Variants in KIAA0319 observed in about 807,000 individuals in gnomAD.
The protein encoded by KIAA0319 is KIAA0319, also known as dyslexia-associated protein KIAA0319.
Under a neutral mutation model 108.4 loss-of-function variants are expected in KIAA0319, and 83 were observed. The observed-to-expected ratio is 0.77, with a 90% CI of 0.64 to 0.92. KIAA0319 has a LOEUF of 0.92. Among genes scored for constraint, KIAA0319 ranks in the 40% least tolerant of loss-of-function variants. The pLI is 0.00. For missense variants in KIAA0319, 1,195 were observed against 1,322.4 expected, an observed-to-expected ratio of 0.90 and a Z score of 1.49; for synonymous variants, 484 against 510.4, an observed-to-expected ratio of 0.95 and a Z score of 0.70.
At chr6:24,609,344 C>T (rs1453796446) in intron 1 of KIAA0319, among the ~76,000 whole-genome samples, 5 of 150,798 alleles carry the variant, frequency 3.3e-5, no homozygotes, top group African/African-American at 7.3e-5. Flanking sequence ...TTTGGGAGCC[C>T]GAGGCAGGCA....
At chr6:24,589,944 A>T (rs1358476964) in intron 3 of KIAA0319, among the ~76,000 whole-genome samples, 1 of 152,214 alleles carries the variant, frequency 6.6e-6, no homozygotes, top group Admixed American at 6.5e-5. Context: ...AAAGTCTCAT[A>T]ATATGATAAT....
chr6:24,583,827 A>G (rs562535545), intron 4 of KIAA0319, 125 bp from the exon 5 acceptor site: 49 of 660,234 alleles, frequency 7.4e-5, no homozygotes, highest in East Asian at 1.4e-4. Context: ...ATAGTTCTTC[A>G]TAAGATTTTA....
chr6:24,560,750 GTCC>G (rs1762999413), intron 16 of KIAA0319, among the ~76,000 whole-genome samples: 1 of 152,116 alleles, frequency 6.6e-6, no homozygotes, highest in Non-Finnish European at 1.5e-5. Context: ...TATGTCTCTT[GTCC>G]TCTTCTTAGA....
In KIAA0319 at chr6:24,599,953, T is replaced by C. The variant is rs745353352; in HGVS notation, c.55+1096A>G. On this transcript the variant is annotated intron_variant, in intron 2 of 20. Coordinates refer to ENST00000378214, the MANE Select transcript of KIAA0319 (RefSeq NM_014809.4). This position sits in a 1 kb window ranked among gnomAD's most constrained non-coding sequence, Gnocchi z 4.1. ...GAGTTCACTGCCTGGGGTATCCCCC[T>C]TTGCCCATGCCTCCAGCTACAAAAC... Among the ~76,000 whole-genome samples the C allele has an allele frequency of 1.3e-4, 20 of 152,076 alleles. No homozygotes were observed. Among genetic ancestry groups the C allele is most frequent in the Non-Finnish European group, 2.5e-4 (17 of 68,024 alleles).
At chr6:24,633,631 C>T (rs1775850569) in intron 1 of KIAA0319, among the ~76,000 whole-genome samples, 1 of 151,820 alleles carries the variant, frequency 6.6e-6, no homozygotes, top group Non-Finnish European at 1.5e-5. Context: ...TGAATTAAAA[C>T]TCAACAGAAT....
intron 1 of KIAA0319, among the ~76,000 whole-genome samples, chr6:24,644,028 CAT>C (rs1247989384): frequency 6.6e-6 from 1 of 152,352 alleles, no homozygotes; most frequent in South Asian, 2.1e-4. Context: ...GCCTCAATAA[CAT>C]AGTTTCATTC....
chr6:24,587,132 C>T (rs114344023), intron 4 of KIAA0319, among the ~76,000 whole-genome samples: 143 of 152,294 alleles, frequency 9.4e-4, no homozygotes, highest in Non-Finnish European at 1.7e-3. Flanking sequence ...TCCTTACATT[C>T]ATTCAATCAC....
chr6:24,570,458 G>C (rs1316410839), intron 11 of KIAA0319, among the ~76,000 whole-genome samples: 1 of 152,028 alleles, frequency 6.6e-6, no homozygotes, highest in African/African-American at 2.4e-5. Context: ...TGTGGTGGCA[G>C]GCGCCTGTAG....
chr6:24,573,856 C>T (rs1765085188), intron 10 of KIAA0319, among the ~76,000 whole-genome samples: 1 of 152,104 alleles, frequency 6.6e-6, no homozygotes, highest in African/African-American at 2.4e-5. Flanking sequence ...GTGGCTCATG[C>T]CTGTAACCCC....
chr6:24,574,073 C>A (rs1043345780), intron 10 of KIAA0319, among the ~76,000 whole-genome samples: 2 of 152,006 alleles, frequency 1.3e-5, no homozygotes, highest in Non-Finnish European at 2.9e-5. Flanking sequence ...CAAGATGGTG[C>A]CACTGCACTC....
intron 1 of KIAA0319, among the ~76,000 whole-genome samples, chr6:24,628,955 G>A (rs1775112096): frequency 6.6e-6 from 1 of 152,216 alleles, no homozygotes; most frequent in African/African-American, 2.4e-5. Flanking sequence ...CACATTCACA[G>A]GTATTGGGGG....
intron 1 of KIAA0319, among the ~76,000 whole-genome samples, chr6:24,616,473 T>C (rs546953023): frequency 1.3e-5 from 2 of 152,328 alleles, no homozygotes; most frequent in South Asian, 4.1e-4. Context: ...TTCTCCTGCC[T>C]CAGCCTCCCG....
chr6:24,628,196 A>C (rs990038550), intron 1 of KIAA0319, among the ~76,000 whole-genome samples: 17 of 152,206 alleles, frequency 1.1e-4, no homozygotes, highest in Admixed American at 2.6e-4. Flanking sequence ...AAATTTGTGG[A>C]CTGTTGCTTT....
intron 1 of KIAA0319, among the ~76,000 whole-genome samples, chr6:24,625,460 T>C (rs1774575035): frequency 6.6e-6 from 1 of 152,176 alleles, no homozygotes; most frequent in Admixed American, 6.5e-5. Flanking sequence ...TGGAAATCCA[T>C]AGCTAACATC....
chr6:24,576,305 C>T (rs1765494683), intron 10 of KIAA0319, 63 bp downstream of exon 10: 1 of 1,308,336 alleles, frequency 7.6e-7, no homozygotes, highest in East Asian at 2.3e-5. Flanking sequence ...CAACCAATAG[C>T]ACATAGCTAG....
chr6:24,541,915 G>A (rs745900044), downstream of KIAA0319, among the ~76,000 whole-genome samples: 2 of 152,168 alleles, frequency 1.3e-5, no homozygotes, highest in South Asian at 2.1e-4. Context: ...TGAGGCGGGC[G>A]GGTCATTTGA....
chr6:24,610,219 ATAAG>A (rs1356521922), intron 1 of KIAA0319, among the ~76,000 whole-genome samples: 2 of 152,218 alleles, frequency 1.3e-5, no homozygotes, highest in Admixed American at 1.3e-4. Context: ...AAATATACAA[ATAAG>A]TATTATAATT....
intron 1 of KIAA0319, among the ~76,000 whole-genome samples, chr6:24,617,058 C>T (rs927382831): frequency 1.3e-5 from 2 of 151,956 alleles, no homozygotes; most frequent in Admixed American, 1.3e-4. Context: ...ATTTAAAAAC[C>T]TTACTACCAA....
intron 8 of KIAA0319, 23 bp downstream of exon 8, chr6:24,579,835 C>A: frequency 6.4e-7 from 1 of 1,570,374 alleles, no homozygotes; most frequent in Non-Finnish European, 8.7e-7. Flanking sequence ...AAAGAAATCC[C>A]TAAACTATCT....
Sources: gnomAD v4.1 joint callset for allele counts (sites outside exome capture counted in the v4.1 genomes callset) on GRCh38, gnomAD v4.1.1 for gene constraint, Gnocchi (gnomAD v3.1) non-coding constraint, MANE v1.5 for transcripts, NCBI Gene and HGNC (gene_info 2026-07-23, HGNC 2026-07-21) for gene names.